NDST1: variants seen among roughly 807,000 people sequenced by gnomAD.
NDST1 encodes N-deacetylase and N-sulfotransferase 1, also known as bifunctional heparan sulfate N-deacetylase/N-sulfotransferase 1.
NDST1 carries 35 observed loss-of-function variants against 92.8 expected under a neutral mutation model. The ratio of observed to expected loss-of-function variants is 0.38; its 90% confidence interval spans 0.29 to 0.50. NDST1 has a LOEUF of 0.50. Ranked by LOEUF, NDST1 falls within the 20% of genes least tolerant of loss-of-function variation. The pLI is 0.94. For synonymous variants in NDST1, 493 were observed against 500.3 expected (o/e 0.99, Z 0.19); for missense variants, 822 against 1,182.7 (o/e 0.69, Z 4.47).
At chr5:150,510,009 C>A (rs1307749611) in intron 1 of NDST1, among the ~76,000 whole-genome samples, 1 of 137,822 alleles carries the variant, frequency 7.3e-6, no homozygotes, top group Non-Finnish European at 1.6e-5. Context: ...GCAGACCTGG[C>A]TTGGGAGTGG....
intron 1 of NDST1, among the ~76,000 whole-genome samples, chr5:150,502,827 G>T (rs930568284): frequency 4.6e-5 from 7 of 151,702 alleles, no homozygotes; most frequent in Non-Finnish European, 7.4e-5. Flanking sequence ...GAAGGGTGGG[G>T]TGGAGGTTCA....
rs372934109 is a variant in NDST1, at chr5:150,553,383, C to G, written c.*51C>G. 488 of 1,601,820 alleles carry G rather than the reference C, an allele frequency of 3.0e-4. 1 individual carries two copies. The highest frequency in any genetic ancestry group is 4.0e-4 in the Non-Finnish European group (468 of 1,171,982). On this transcript the variant is annotated 3_prime_UTR_variant, in exon 15 of 15. Transcript: ENST00000261797. The surrounding 1 kb of genome is among the most constrained non-coding windows in gnomAD (Gnocchi z 4.2). ...CGTTTGTGAAAGCTGGGACATCCCACCACACGCTGAGCCAGACCTGCAGAG... is the reference window on the plus strand; with the variant it reads ...CGTTTGTGAAAGCTGGGACATCCCAGCACACGCTGAGCCAGACCTGCAGAG...
chr5:150,544,779 G>A lies in NDST1; in HGVS notation c.1971-533G>A, dbSNP rs1755406066. Among the ~76,000 whole-genome samples, 3 of 152,216 alleles carry A rather than the reference G, an allele frequency of 2.0e-5. No individual in the cohort carries two copies. The South Asian group carries it at 6.2e-4, about 32-fold the overall frequency. On this transcript the variant is annotated intron_variant, in intron 10 of 14. Coordinates refer to ENST00000261797, the MANE Select transcript of NDST1 (RefSeq NM_001543.5). ...GGAAAGCCGTGCTCACCCACAGCAG[G>A]CTGGGGAGGGGTTGTGGGTAGCAGG...
At position 150,542,913 on chromosome 5, in the gene NDST1, G is replaced by C. The variant is rs764507688; in HGVS notation, c.1912G>C (p.Glu638Gln). The change falls in exon 10 of 15, where the codon GAG becomes CAG. Residue 638 changes from glutamate to glutamine, a missense_variant. By Grantham distance (29) the Glu-to-Gln change is conservative. Coordinates refer to ENST00000261797, the MANE Select transcript of NDST1 (RefSeq NM_001543.5). The stretch of plus-strand genomic sequence containing the variant: ...CCTAAGCAGCAACTACCCCAGCTCT[G>C]AGACCTTTGAGGAGATCCAGTTTTT... ...PDLSSNYPSS[E>Q]TFEEIQFFNG... is the part of the protein sequence containing the mutation. The C allele has an allele frequency of 1.9e-6, 3 of 1,614,166 alleles. No homozygotes were observed. Among genetic ancestry groups the C allele is most frequent in the Non-Finnish European group, 1.7e-6 (2 of 1,180,012 alleles).
intron 10 of NDST1, among the ~76,000 whole-genome samples, chr5:150,544,762 G>A (rs928041068): frequency 1.3e-5 from 2 of 152,194 alleles, no homozygotes; most frequent in South Asian, 2.1e-4. Context: ...CTGGAAAGCC[G>A]TGCTCACCCA....
At chr5:150,548,428 A>G (rs1426793875) in intron 12 of NDST1, 40 bp downstream of exon 12, 1 of 1,600,386 alleles carries the variant, frequency 6.2e-7, no homozygotes, top group African/African-American at 1.3e-5. Flanking sequence ...CAGTCACAGT[A>G]CTGGCTTGCT....
intron 12 of NDST1, 130 bp from the exon 13 acceptor site, chr5:150,549,548 G>A: frequency 1.4e-6 from 1 of 701,352 alleles, no homozygotes; most frequent in South Asian, 1.5e-5. Context: ...CTTCAACAGG[G>A]GAGGAGGAGC....
intron 5 of NDST1, 121 bp downstream of exon 5, chr5:150,535,142 G>A (rs1754924212): frequency 2.0e-5 from 29 of 1,440,138 alleles, no homozygotes; most frequent in Middle Eastern, 4.2e-4. Flanking sequence ...ACACCTCTGG[G>A]CCAGGGCCAA....
chr5:150,498,874 G>C (rs1194388048), intron 1 of NDST1, among the ~76,000 whole-genome samples: 2 of 152,148 alleles, frequency 1.3e-5, no homozygotes, highest in African/African-American at 4.8e-5. Flanking sequence ...CCTCCTTTTT[G>C]GGGAGGAAAC....
chr5:150,549,043 G>A (rs1436351921), intron 12 of NDST1, among the ~76,000 whole-genome samples: 6 of 151,666 alleles, frequency 4.0e-5, no homozygotes, highest in African/African-American at 9.7e-5. Flanking sequence ...ACGGAGTCTC[G>A]CTCTGTCTCC....
intron 6 of NDST1, among the ~76,000 whole-genome samples, chr5:150,536,244 G>A (rs1754981305): frequency 6.6e-6 from 1 of 152,054 alleles, no homozygotes; most frequent in Non-Finnish European, 1.5e-5. Flanking sequence ...CTAGCACTTT[G>A]GGAGGCCAAG....
At chr5:150,543,892 G>C (rs1755358223) in intron 10 of NDST1, among the ~76,000 whole-genome samples, 2 of 151,878 alleles carry the variant, frequency 1.3e-5, no homozygotes, top group Non-Finnish European at 2.9e-5. Flanking sequence ...TGATTCTCCT[G>C]CTTCAGCCTC....
At chr5:150,497,802 G>C (rs536381235), upstream of NDST1, 2 of 152,370 alleles carry the variant, frequency 1.3e-5, no homozygotes, top group East Asian at 3.9e-4. Context: ...TCCCGGCCCC[G>C]AAGGGATGAC....
At chr5:150,509,405 C>T (rs1421913147) in intron 1 of NDST1, among the ~76,000 whole-genome samples, 4 of 152,172 alleles carry the variant, frequency 2.6e-5, no homozygotes, top group Non-Finnish European at 5.9e-5. Flanking sequence ...GGCCGTGAGG[C>T]GAGGTGCTCA....
chr5:150,514,703 ACT>A (rs1487359930), intron 1 of NDST1, among the ~76,000 whole-genome samples: 1 of 152,192 alleles, frequency 6.6e-6, no homozygotes, highest in Admixed American at 6.5e-5. Flanking sequence ...GAAAGACCAA[ACT>A]CAAAGTCAGG....
intron 12 of NDST1, 138 bp downstream of exon 12, chr5:150,548,526 A>G: frequency 1.1e-6 from 1 of 883,800 alleles, no homozygotes. Flanking sequence ...GGGTCTATAA[A>G]AAGATTTTAT....
chr5:150,545,504 G>A lies in NDST1; in HGVS notation c.2145+18G>A, dbSNP rs377612845. 2 of 1,613,980 alleles carry A rather than the reference G, an allele frequency of 1.2e-6. No individual in the cohort carries two copies. Among genetic ancestry groups the A allele is most frequent in the African/African-American group, 1.3e-5 (1 of 75,058 alleles). ...GGTACCAGGTGAGTGGGGCTGGGGT[G>A]GAGTCCCTGTGTCGGGAACACAGGG... On this transcript the variant is annotated intron_variant, in intron 11 of 14. Coordinates refer to ENST00000261797, the MANE Select transcript of NDST1 (RefSeq NM_001543.5).
At chr5:150,546,626 C>G (rs1755497591) in intron 11 of NDST1, among the ~76,000 whole-genome samples, 1 of 152,256 alleles carries the variant, frequency 6.6e-6, no homozygotes, top group Admixed American at 6.5e-5. Context: ...GCTGGGACAG[C>G]CTCTTCAGGC....
intron 2 of NDST1, among the ~76,000 whole-genome samples, chr5:150,524,715 G>GT (rs1469599349): frequency 6.6e-6 from 1 of 152,206 alleles, no homozygotes; most frequent in East Asian, 1.9e-4. Flanking sequence ...GCTGGGGACC[G>GT]TAAGTGTCTC....
Sources: allele counts gnomAD v4.1 joint callset (sites outside exome capture counted in the v4.1 genomes callset), GRCh38; gene constraint gnomAD v4.1.1; non-coding constraint Gnocchi (gnomAD v3.1); transcripts MANE v1.5; gene names NCBI Gene and HGNC (gene_info 2026-07-23, HGNC 2026-07-21).